Variants in PRKCH observed in about 807,000 individuals in gnomAD.
PRKCH encodes the protein protein kinase C eta.
PRKCH carries 28 observed loss-of-function variants against 82.5 expected under a neutral mutation model. That is an observed-to-expected ratio of 0.34 (90% CI 0.25 to 0.47). The LOEUF is 0.47. Among genes scored for constraint, PRKCH ranks in the 20% least tolerant of loss-of-function variants. The probability of loss-of-function intolerance (pLI) is 1.00; values close to 1 mark genes in which losing one functional copy is unlikely to be tolerated. For synonymous variants in PRKCH, 322 were observed against 327.4 expected, an observed-to-expected ratio of 0.98 and a Z score of 0.18; for missense variants, 705 against 881.8, an observed-to-expected ratio of 0.80 and a Z score of 2.54.
chr14:61,485,715 A>G, intron 10 of PRKCH, 59 bp downstream of exon 10: 1 of 1,528,122 alleles, frequency 6.5e-7, no homozygotes, highest in East Asian at 2.3e-5. Flanking sequence ...TCCTGGTATG[A>G]TCCATCCTTC....
At chr14:61,520,074 C>CAAAAAA (rs71992585) in intron 10 of PRKCH, among the ~76,000 whole-genome samples, 10 of 97,404 alleles carry the variant, frequency 1.0e-4, no homozygotes, top group African/African-American at 1.6e-4. Context: ...CTACAGAAAC[C>CAAAAAA]AAAAAAAAAA....
At chr14:61,195,334 A>G (rs2044433077) in intron 1 of PRKCH, among the ~76,000 whole-genome samples, 1 of 150,068 alleles carries the variant, frequency 6.7e-6, no homozygotes, top group Non-Finnish European at 1.5e-5. Context: ...CATAATTATG[A>G]TAAGTTTTTA....
intron 1 of PRKCH, among the ~76,000 whole-genome samples, chr14:61,208,277 T>C (rs2044543386): frequency 6.6e-6 from 1 of 152,196 alleles, no homozygotes. Context: ...ATTTATTTAT[T>C]TTTTTATTCA....
chr14:61,187,577 CG>C (rs1421348065), exon 1 of PRKCH: 1 of 152,674 alleles, frequency 6.5e-6, no homozygotes, highest in Non-Finnish European at 1.5e-5. Context: ...GCATGCTTAT[CG>C]GGGTGTAATG....
chr14:61,210,796 G>A (rs1428299749), intron 1 of PRKCH, among the ~76,000 whole-genome samples: 1 of 149,276 alleles, frequency 6.7e-6, no homozygotes, highest in African/African-American at 2.5e-5. Context: ...CTCTCTGTGT[G>A]TGTGTGTGTG....
intron 1 of PRKCH, among the ~76,000 whole-genome samples, chr14:61,200,780 T>TCA (rs2044475369): frequency 7.7e-6 from 1 of 130,252 alleles, no homozygotes; most frequent in Admixed American, 8.2e-5. Flanking sequence ...TTCTATTTTA[T>TCA]TATTATTATT....
intron 1 of PRKCH, among the ~76,000 whole-genome samples, chr14:61,290,551 C>T (rs1358365800): frequency 3.3e-5 from 5 of 152,122 alleles, no homozygotes; most frequent in Non-Finnish European, 5.9e-5. Context: ...GTTAGAGGAC[C>T]TAGCAGTTTT....
chr14:61,453,381 C>T (rs761319889), intron 7 of PRKCH, 28 bp downstream of exon 7: 14 of 1,605,796 alleles, frequency 8.7e-6, no homozygotes, highest in African/African-American at 5.4e-5. Flanking sequence ...TTCCATGTCT[C>T]GTAATTTAGA....
At chr14:61,206,139 G>A (rs2044521758) in intron 1 of PRKCH, among the ~76,000 whole-genome samples, 1 of 152,206 alleles carries the variant, frequency 6.6e-6, no homozygotes, top group Non-Finnish European at 1.5e-5. Flanking sequence ...AGATAGGAAG[G>A]CCAAGTTCAG....
At chr14:61,269,301 T>G (rs2045131087) in intron 1 of PRKCH, among the ~76,000 whole-genome samples, 1 of 152,208 alleles carries the variant, frequency 6.6e-6, no homozygotes, top group South Asian at 2.1e-4. Context: ...AGTCACAAAA[T>G]TGTCATAAAA....
At chr14:61,470,729 A>G (rs1326970512) in intron 9 of PRKCH, among the ~76,000 whole-genome samples, 1 of 151,902 alleles carries the variant, frequency 6.6e-6, no homozygotes, top group Non-Finnish European at 1.5e-5. Flanking sequence ...GAGTCCTGGA[A>G]CTCTTCCCAG....
chr14:61,335,333 G>A (rs2045842840), intron 1 of PRKCH, among the ~76,000 whole-genome samples: 1 of 152,112 alleles, frequency 6.6e-6, no homozygotes, highest in South Asian at 2.1e-4. Flanking sequence ...AGACTCTGAA[G>A]TTTATTCCGT....
Position 61,372,297 on chromosome 14 carries a change from C to CA in PRKCH, c.364-18928_364-18927insA, listed in dbSNP as rs1349857390. 5.3e-5 allele frequency among the ~76,000 whole-genome samples: 8 copies of CA among 152,020 alleles called. No homozygotes were observed. The South Asian group carries it at 8.3e-4, about 16-fold the overall frequency. ...ATTGCTTTTAGGTCTGTTCAGCTGA[C>CA]GGAACAGAGAAATAGGTGTATACTC... On this transcript the variant is annotated intron_variant, in intron 1 of 13. Transcript: ENST00000332981.
chr14:61,413,508 A>G (rs1186572953), intron 2 of PRKCH, among the ~76,000 whole-genome samples: 1 of 148,542 alleles, frequency 6.7e-6, no homozygotes, highest in South Asian at 2.1e-4. Context: ...ACTTCCCTCA[A>G]CTACACTGAC....
intron 10 of PRKCH, among the ~76,000 whole-genome samples, chr14:61,511,007 G>A (rs184575137): frequency 6.6e-6 from 1 of 152,240 alleles, no homozygotes; most frequent in East Asian, 1.9e-4. Context: ...GGAGCCTCCG[G>A]AGGAGACACT....
chr14:61,352,930 A>G (rs2046102038), intron 1 of PRKCH, among the ~76,000 whole-genome samples: 1 of 152,212 alleles, frequency 6.6e-6, no homozygotes, highest in Admixed American at 6.5e-5. Flanking sequence ...TGTATTAAAT[A>G]CATTTACTAT....
intron 1 of PRKCH, among the ~76,000 whole-genome samples, chr14:61,294,461 G>T (rs957707777): frequency 6.6e-6 from 1 of 151,780 alleles, no homozygotes; most frequent in African/African-American, 2.4e-5. Flanking sequence ...GTTGATTTAG[G>T]ATCATAATTC....
chr14:61,371,342 G>C (rs998995569), intron 1 of PRKCH, among the ~76,000 whole-genome samples: 2 of 151,906 alleles, frequency 1.3e-5, no homozygotes, highest in Non-Finnish European at 1.5e-5. Flanking sequence ...TAGTTTATCA[G>C]ATTTCCTTAG....
chr14:61,246,791 T>C (rs1317881609), intron 1 of PRKCH, among the ~76,000 whole-genome samples: 2 of 152,206 alleles, frequency 1.3e-5, no homozygotes, highest in African/African-American at 4.8e-5. Context: ...TCTCCCTATG[T>C]TGCACAGATT....
Sources: allele counts gnomAD v4.1 joint callset (sites outside exome capture counted in the v4.1 genomes callset), GRCh38; gene constraint gnomAD v4.1.1; transcripts MANE v1.5; gene names NCBI Gene and HGNC (gene_info 2026-07-23, HGNC 2026-07-21).